The following TENM4 variants were observed in gnomAD, a reference collection of about 807,000 sequenced individuals.
The protein encoded by TENM4 is teneurin-4.
Under a neutral mutation model 243.3 loss-of-function variants are expected in TENM4, and 82 were observed. That is an observed-to-expected ratio of 0.34 (90% confidence interval 0.28 to 0.40). TENM4 has a LOEUF of 0.40. Among genes scored for constraint, TENM4 ranks in the 10% least tolerant of loss-of-function variants. The probability of loss-of-function intolerance (pLI) is 1.00; values close to 1 mark genes in which losing one functional copy is unlikely to be tolerated. For synonymous variants in TENM4, 1,412 were observed against 1,456.3 expected, an observed-to-expected ratio of 0.97 and a Z score of 0.69; for missense variants, 3,138 against 3,673.3, an observed-to-expected ratio of 0.85 and a Z score of 3.77.
chr11:78,992,553 G>A (rs1392218860), intron 6 of TENM4, among the ~76,000 whole-genome samples: 3 of 152,318 alleles, frequency 2.0e-5, no homozygotes, highest in East Asian at 3.9e-4. Flanking sequence ...GGTGGTATGT[G>A]AACTCATTTT....
chr11:79,414,735 T>A (rs550751142), intron 1 of TENM4, among the ~76,000 whole-genome samples: 146 of 152,332 alleles, frequency 9.6e-4, no homozygotes, highest in Middle Eastern at 3.4e-3. Context: ...TATAAATGGA[T>A]CTGAAACACA....
At chr11:79,327,771 C>T (rs1754915292) in intron 1 of TENM4, among the ~76,000 whole-genome samples, 1 of 151,070 alleles carries the variant, frequency 6.6e-6, no homozygotes, top group Admixed American at 6.6e-5. Flanking sequence ...TGATCTGAAT[C>T]CTGGTACCTC....
chr11:78,960,248 C>T lies in TENM4; in HGVS notation c.494-56725G>A, dbSNP rs150307553. Among the ~76,000 whole-genome samples the T allele has an allele frequency of 5.1e-3, 771 of 151,980 alleles. 8 individuals are homozygous for T. The highest frequency in any genetic ancestry group is 0.018 in the African/African-American group (748 of 41,426). Reference sequence around the variant, plus strand: ...CATTGAACCACCAAGAAAACAAGCCCACCCCAGGGAGCACTGAGAAAAAAG... The same window carrying T: ...CATTGAACCACCAAGAAAACAAGCCTACCCCAGGGAGCACTGAGAAAAAAG... On this transcript the variant is annotated intron_variant, in intron 6 of 33. Coordinates refer to ENST00000278550, the MANE Select transcript of TENM4 (RefSeq NM_001098816.3).
At chr11:79,191,900 C>G (rs146065851) in intron 3 of TENM4, 1 of 170,282 alleles carries the variant, frequency 5.9e-6, no homozygotes, top group Non-Finnish European at 1.2e-5. Flanking sequence ...GCTGCCACCT[C>G]GTCTGGGAAG....
At chr11:79,439,663 CCACACACACACACACA>C in intron 1 of TENM4, among the ~76,000 whole-genome samples, 1 of 146,828 alleles carries the variant, frequency 6.8e-6, no homozygotes, top group South Asian at 2.2e-4. Flanking sequence ...GTGTGTGTGT[CCACACACACACACACA>C]CACACACACA....
intron 3 of TENM4, among the ~76,000 whole-genome samples, chr11:79,181,112 T>A (rs1451573218): frequency 1.3e-5 from 2 of 151,978 alleles, no homozygotes; most frequent in East Asian, 3.9e-4. Flanking sequence ...ATTACCCTAA[T>A]GACAAAACCA....
intron 4 of TENM4, among the ~76,000 whole-genome samples, chr11:79,145,178 G>T (rs893154114): frequency 2.6e-5 from 4 of 152,022 alleles, no homozygotes; most frequent in African/African-American, 9.7e-5. Context: ...TTCACTTAAT[G>T]ATGTTTGTCC....
At chr11:79,306,181 T>C (rs1856623006) in intron 1 of TENM4, among the ~76,000 whole-genome samples, 1 of 152,100 alleles carries the variant, frequency 6.6e-6, no homozygotes, top group Non-Finnish European at 1.5e-5. Flanking sequence ...TCTTTGAGGG[T>C]TGTATGACAC....
intron 3 of TENM4, among the ~76,000 whole-genome samples, chr11:79,183,872 G>A (rs374500037): frequency 6.6e-6 from 1 of 152,186 alleles, no homozygotes; most frequent in Non-Finnish European, 1.5e-5. Flanking sequence ...TGGCAAAAAT[G>A]TAGAAAAATT....
chr11:79,086,749 G>A (rs535819547), intron 4 of TENM4, among the ~76,000 whole-genome samples: 3 of 147,974 alleles, frequency 2.0e-5, no homozygotes, highest in South Asian at 4.3e-4. Flanking sequence ...CAGTGGGATC[G>A]CTTGAACCTG....
At chr11:79,269,493 C>T (rs1855933048) in intron 2 of TENM4, 4 of 152,236 alleles carry the variant, frequency 2.6e-5, no homozygotes, top group Admixed American at 2.0e-4. Context: ...AAAGCACTCT[C>T]TAGAGCCACA....
chr11:79,181,539 G>T lies in TENM4; in HGVS notation c.-162-32733C>A, dbSNP rs185409092. Among the ~76,000 whole-genome samples, 5 of 152,158 alleles carry T rather than the reference G, an allele frequency of 3.3e-5. No homozygotes were observed. In the East Asian group the frequency reaches 9.7e-4, roughly 29 times the overall value. On this transcript the variant is annotated intron_variant, in intron 3 of 33. Transcript: ENST00000278550. ...GCTAAAAATCAGGAAGAAAGCCAGG[G>T]TGTCTGTCCCTTCACACCACTACTT...
At chr11:78,788,583 C>G (rs1369756931) in intron 15 of TENM4, among the ~76,000 whole-genome samples, 1 of 152,252 alleles carries the variant, frequency 6.6e-6, no homozygotes, top group South Asian at 2.1e-4. Flanking sequence ...CATGATGCTG[C>G]CTTGCAGCAG....
intron 2 of TENM4, among the ~76,000 whole-genome samples, chr11:79,221,446 C>T (rs1324257862): frequency 6.6e-6 from 1 of 151,022 alleles, no homozygotes; most frequent in African/African-American, 2.4e-5. Context: ...CCAATTTTCA[C>T]ATTAAAAAGG....
At chr11:79,206,349 T>C (rs1863849946) in intron 3 of TENM4, among the ~76,000 whole-genome samples, 2 of 152,196 alleles carry the variant, frequency 1.3e-5, no homozygotes. Flanking sequence ...AGACTGCCTA[T>C]TGGAAGGAAC....
intron 19 of TENM4, among the ~76,000 whole-genome samples, chr11:78,751,770 T>G (rs948396): frequency 0.74 from 112,491 of 152,080 alleles, 44,439 homozygotes; most frequent in Non-Finnish European, 0.9. Context: ...GCCCAGGAGA[T>G]GTCTCACGTT....
intron 1 of TENM4, among the ~76,000 whole-genome samples, chr11:79,340,778 C>T (rs1262953845): frequency 1.3e-5 from 2 of 152,148 alleles, no homozygotes; most frequent in African/African-American, 4.8e-5. Flanking sequence ...AAATGTGCCT[C>T]CTTAGGAAAT....
At chr11:78,716,067 C>T (rs985872948) in intron 25 of TENM4, among the ~76,000 whole-genome samples, 1 of 152,172 alleles carries the variant, frequency 6.6e-6, no homozygotes, top group Non-Finnish European at 1.5e-5. Flanking sequence ...GTACTTTCCT[C>T]CCTTATATTT....
Position 78,657,217 on chromosome 11 carries a change from C to A in TENM4, c.*841G>T, listed in dbSNP as rs755743040. On this transcript the variant is annotated 3_prime_UTR_variant, in exon 34 of 34. Coordinates refer to ENST00000278550, the MANE Select transcript of TENM4 (RefSeq NM_001098816.3). ...AACAGGAACATCATGGAGGACCAAC[C>A]AATCACAGGCATCCTGGGTGCTTTC... The A allele has an allele frequency of 1.5e-5, 6 of 398,588 alleles. No homozygotes were observed. Among genetic ancestry groups the A allele is most frequent in the Non-Finnish European group, 2.7e-5 (6 of 226,190 alleles). The allele number at this position is 398,588 out of a possible 1,614,324, so 24.7% of individuals were successfully genotyped here.
Sources: gnomAD v4.1 joint callset for allele counts (sites outside exome capture counted in the v4.1 genomes callset) on GRCh38, gnomAD v4.1.1 for gene constraint, MANE v1.5 for transcripts, NCBI Gene and HGNC (gene_info 2026-07-23, HGNC 2026-07-21) for gene names.